The following MAPK4 variants were observed in gnomAD, a reference collection of about 807,000 sequenced individuals.
The protein encoded by MAPK4 is mitogen-activated protein kinase 4.
A neutral mutation model predicts 47.7 loss-of-function variants in MAPK4; 22 were observed. The observed-to-expected ratio is 0.46, with a 90% CI of 0.33 to 0.66. The LOEUF is 0.66. MAPK4 is among the 30% of genes least tolerant of loss of function. The pLI is 0.02. For synonymous variants in MAPK4, 390 were observed against 365.7 expected (o/e 1.07, Z -0.76); for missense variants, 736 against 831.7 (o/e 0.88, Z 1.42).
At chr18:50,600,501 G>T (rs1230196371) in intron 1 of MAPK4, among the ~76,000 whole-genome samples, 1 of 152,156 alleles carries the variant, frequency 6.6e-6, no homozygotes, top group Non-Finnish European at 1.5e-5. Flanking sequence ...AAAATGACGG[G>T]AGTGGTGAGG....
intron 2 of MAPK4, among the ~76,000 whole-genome samples, chr18:50,713,543 G>A (rs1910484872): frequency 6.6e-6 from 1 of 152,200 alleles, no homozygotes; most frequent in Non-Finnish European, 1.5e-5. Context: ...CTTCTTAGGA[G>A]GCATGGGGCT....
intron 2 of MAPK4, chr18:50,669,148 G>A (rs529772925): frequency 6.6e-6 from 1 of 152,376 alleles, no homozygotes; most frequent in Admixed American, 6.5e-5. Context: ...ACCTGAGGGT[G>A]GCTTCTCAGC....
intron 2 of MAPK4, among the ~76,000 whole-genome samples, chr18:50,687,127 C>T (rs1284183328): frequency 6.6e-6 from 1 of 152,174 alleles, no homozygotes; most frequent in Non-Finnish European, 1.5e-5. Context: ...TCTTGCCATA[C>T]CAATTTTAGA....
Position 50,729,568 on chromosome 18 carries a change from T to C in MAPK4, c.1478T>C (p.Ile493Thr), listed in dbSNP as rs1216233572. 1.4e-6 allele frequency: 2 copies of C among 1,424,242 alleles called. No homozygotes were observed. Among genetic ancestry groups the C allele is most frequent in the Non-Finnish European group, 1.8e-6 (2 of 1,087,984 alleles). 88.2% of individuals were successfully genotyped at this position (1,424,242 alleles called of 1,614,324 possible). ...EDEPASLFLE[I>T]AQWVKSTQGG... ...GAGCCGGCCAGCCTCTTCCTGGAGA[T>C]CGCGCAGTGGGTCAAGAGCACGCAG... Residue 493 changes from isoleucine to threonine, a missense_variant, in exon 6 of 6, where the codon ATC (isoleucine) becomes ACC (threonine). Coordinates refer to ENST00000400384, the MANE Select transcript of MAPK4 (RefSeq NM_002747.4).
At chr18:50,616,370 C>T (rs1020474434) in intron 1 of MAPK4, among the ~76,000 whole-genome samples, 9 of 152,106 alleles carry the variant, frequency 5.9e-5, no homozygotes, top group African/African-American at 2.2e-4. Context: ...ATTTCCTCAT[C>T]CATAAAATAT....
chr18:50,612,811 G>T (rs1201594250), intron 1 of MAPK4, among the ~76,000 whole-genome samples: 2 of 152,142 alleles, frequency 1.3e-5, no homozygotes, highest in Non-Finnish European at 2.9e-5. Flanking sequence ...CTTCTAACTA[G>T]ACAGAAAGCA....
At chr18:50,583,520 T>C (rs1485470099) in intron 1 of MAPK4, among the ~76,000 whole-genome samples, 1 of 151,934 alleles carries the variant, frequency 6.6e-6, no homozygotes, top group African/African-American at 2.4e-5. Context: ...GCCCAGGAGG[T>C]GGAGGTTGCA....
intron 1 of MAPK4, among the ~76,000 whole-genome samples, chr18:50,564,150 G>GT (rs1022451942): frequency 1.3e-5 from 2 of 152,208 alleles, no homozygotes; most frequent in African/African-American, 4.8e-5. Flanking sequence ...AAGTCAGGTA[G>GT]TGGCTCTCTG....
chr18:50,704,684 T>A (rs1422201539), intron 2 of MAPK4: 5 of 398,560 alleles, frequency 1.3e-5, no homozygotes, highest in Non-Finnish European at 1.8e-5. Flanking sequence ...GTGAAGAGGC[T>A]GGAATCGGAG....
rs376724918 is a variant in MAPK4 at position 50,664,524 on chromosome 18, C to A, written c.546+20C>A. 6.4e-7 allele frequency: 1 copy of A among 1,559,320 alleles called. No homozygotes were observed. Among genetic ancestry groups the A allele is most frequent in the South Asian group, 1.2e-5 (1 of 81,906 alleles). On this transcript the variant is annotated intron_variant, in intron 2 of 5. Coordinates refer to ENST00000400384, the MANE Select transcript of MAPK4 (RefSeq NM_002747.4). This position sits in a 1 kb window ranked among gnomAD's most constrained non-coding sequence, Gnocchi z 6.0. Reference sequence around the variant, plus strand: ...CACAAGGTATGTCTGGCTGGAATGGCGGATACTGGTGGTCCACAGAATCCC... The same window carrying A: ...CACAAGGTATGTCTGGCTGGAATGGAGGATACTGGTGGTCCACAGAATCCC...
chr18:50,657,489 C>A (rs539057723), intron 1 of MAPK4, among the ~76,000 whole-genome samples: 31 of 152,156 alleles, frequency 2.0e-4, no homozygotes, highest in Non-Finnish European at 3.7e-4. Context: ...CCTGAGTGAG[C>A]TTGGAAGCCG....
chr18:50,587,306 A>C (rs949639087), intron 1 of MAPK4, among the ~76,000 whole-genome samples: 2 of 152,240 alleles, frequency 1.3e-5, no homozygotes, highest in Non-Finnish European at 2.9e-5. Flanking sequence ...GAGAGGACAC[A>C]GCTAGAACAT....
In MAPK4 at chr18:50,697,732, C is replaced by T. The variant is rs145419084; in HGVS notation, c.547-17347C>T. Among the ~76,000 whole-genome samples, 80 of 152,312 alleles carry T rather than the reference C, an allele frequency of 5.3e-4. 1 individual carries two copies. In the East Asian group the frequency reaches 0.011, roughly 20 times the overall value. On this transcript the variant is annotated intron_variant, in intron 2 of 5. Transcript: ENST00000400384. ...GTAGGAAGCCGAATAACATCAGCCACCCCTGAGCCTGGGCCTACCAGTACA... is the reference window on the plus strand; with the variant it reads ...GTAGGAAGCCGAATAACATCAGCCATCCCTGAGCCTGGGCCTACCAGTACA...
intron 2 of MAPK4, among the ~76,000 whole-genome samples, chr18:50,689,404 TAAAAAAAAAAAA>T (rs34978159): frequency 2.4e-5 from 2 of 84,850 alleles, no homozygotes; most frequent in African/African-American, 4.3e-5. Context: ...AACTCCATCT[TAAAAAAAAAAAA>T]AAAAAAAAAA....
chr18:50,690,689 C>T (rs777102537), intron 2 of MAPK4, among the ~76,000 whole-genome samples: 23 of 152,220 alleles, frequency 1.5e-4, no homozygotes, highest in Non-Finnish European at 2.4e-4. Context: ...GAAGGAAAGA[C>T]GGGAAGTAAA....
At chr18:50,563,976 A>G (rs112434446) in intron 1 of MAPK4, among the ~76,000 whole-genome samples, 2,889 of 152,300 alleles carry the variant, frequency 0.019, 91 homozygotes, top group African/African-American at 0.065. Flanking sequence ...AATGTCAGGC[A>G]CAGACAAGTG....
intron 5 of MAPK4, among the ~76,000 whole-genome samples, chr18:50,728,200 G>A (rs1911306242): frequency 6.6e-6 from 1 of 152,166 alleles, no homozygotes; most frequent in Non-Finnish European, 1.5e-5. Flanking sequence ...GCTCCTGCCT[G>A]CCCCACAACC....
intron 2 of MAPK4, among the ~76,000 whole-genome samples, chr18:50,684,152 C>A (rs1213634108): frequency 4.6e-5 from 7 of 152,188 alleles, no homozygotes; most frequent in Admixed American, 4.6e-4. Flanking sequence ...CACTTTCTGG[C>A]TAATGTTTTC....
chr18:50,666,974 T>C (rs1395824490), intron 2 of MAPK4, among the ~76,000 whole-genome samples: 1 of 152,224 alleles, frequency 6.6e-6, no homozygotes, highest in Non-Finnish European at 1.5e-5. Context: ...GAAACGGCTT[T>C]CTCAAGCTTA....
Sources: allele counts gnomAD v4.1 joint callset (sites outside exome capture counted in the v4.1 genomes callset), GRCh38; gene constraint gnomAD v4.1.1; non-coding constraint Gnocchi (gnomAD v3.1); transcripts MANE v1.5; gene names NCBI Gene and HGNC (gene_info 2026-07-23, HGNC 2026-07-21).